Variants in CNTNAP2 observed in about 807,000 individuals in gnomAD.
The protein encoded by CNTNAP2 is contactin-associated protein-like 2.
Under a neutral mutation model 155.2 loss-of-function variants are expected in CNTNAP2, and 98 were observed. The ratio of observed to expected loss-of-function variants is 0.63; its 90% CI spans 0.54 to 0.75. The LOEUF is 0.75. Ranked by LOEUF, CNTNAP2 falls within the 30% of genes least tolerant of loss-of-function variation. CNTNAP2 has a pLI of 0.00. For missense variants in CNTNAP2, 1,727 were observed against 1,688.1 expected, an observed-to-expected ratio of 1.02 and a Z score of -0.40; for synonymous variants, 651 against 631.2, an observed-to-expected ratio of 1.03 and a Z score of -0.47.
At chr7:146,811,204 T>A (rs1426959246) in intron 2 of CNTNAP2, among the ~76,000 whole-genome samples, 1 of 152,188 alleles carries the variant, frequency 6.6e-6, no homozygotes, top group Non-Finnish European at 1.5e-5. Flanking sequence ...TTGAGAAGAA[T>A]TGGTGTTAAT....
At chr7:146,224,038 A>G (rs953377735) in intron 1 of CNTNAP2, among the ~76,000 whole-genome samples, 2 of 152,234 alleles carry the variant, frequency 1.3e-5, no homozygotes, top group Non-Finnish European at 1.5e-5. Context: ...TGTTAAAAAT[A>G]TAGTTTGGGG....
At chr7:147,220,024 C>T (rs898940256) in intron 8 of CNTNAP2, among the ~76,000 whole-genome samples, 2 of 149,458 alleles carry the variant, frequency 1.3e-5, no homozygotes, top group Admixed American at 1.3e-4. Context: ...CTCCTGAGCT[C>T]GTGATCTGCC....
intron 21 of CNTNAP2, among the ~76,000 whole-genome samples, chr7:148,338,365 G>C (rs924893822): frequency 6.6e-6 from 1 of 152,190 alleles, no homozygotes; most frequent in African/African-American, 2.4e-5. Flanking sequence ...TCCAGATGAA[G>C]CAGGCTCTTC....
chr7:146,784,888 A>T (rs570536398), intron 2 of CNTNAP2, among the ~76,000 whole-genome samples: 45 of 152,096 alleles, frequency 3.0e-4, no homozygotes, highest in African/African-American at 9.9e-4. Flanking sequence ...ATATTTACAC[A>T]CTGAATTTTT....
intron 18 of CNTNAP2, among the ~76,000 whole-genome samples, chr7:148,215,635 T>A (rs1190652853): frequency 6.6e-6 from 1 of 152,160 alleles, no homozygotes; most frequent in East Asian, 1.9e-4. Flanking sequence ...GTAACCTGTC[T>A]TTGTAATAAT....
chr7:147,707,125 C>T (rs1796327883), intron 13 of CNTNAP2, among the ~76,000 whole-genome samples: 1 of 151,940 alleles, frequency 6.6e-6, no homozygotes, highest in African/African-American at 2.4e-5. Context: ...ATTTCATAAA[C>T]TTACTTTTGA....
intron 13 of CNTNAP2, among the ~76,000 whole-genome samples, chr7:147,716,956 T>C (rs932982247): frequency 2.6e-5 from 4 of 152,118 alleles, no homozygotes; most frequent in Admixed American, 1.3e-4. Flanking sequence ...CATTGATACC[T>C]TTCCCTTCTC....
At chr7:146,777,135 T>C (rs1343678121) in intron 2 of CNTNAP2, among the ~76,000 whole-genome samples, 1 of 152,174 alleles carries the variant, frequency 6.6e-6, no homozygotes, top group African/African-American at 2.4e-5. Context: ...ATTGATATAC[T>C]GGATTGTCAT....
At chr7:147,795,161 A>T (rs750561543) in intron 13 of CNTNAP2, among the ~76,000 whole-genome samples, 3 of 151,372 alleles carry the variant, frequency 2.0e-5, no homozygotes, top group Non-Finnish European at 4.4e-5. Context: ...TTTTTTAATG[A>T]CTTCAGATGC....
chr7:146,277,225 C>G (rs1023569378), intron 1 of CNTNAP2, among the ~76,000 whole-genome samples: 3 of 152,020 alleles, frequency 2.0e-5, no homozygotes, highest in Non-Finnish European at 4.4e-5. Context: ...GTGGTCCTGC[C>G]GACACCTTGA....
chr7:147,245,643 C>T (rs982711689), intron 8 of CNTNAP2, among the ~76,000 whole-genome samples: 2 of 151,294 alleles, frequency 1.3e-5, no homozygotes, highest in African/African-American at 2.4e-5. Context: ...ACCAGCCTGG[C>T]CAACCTGGTT....
chr7:146,490,933 A>G (rs182964922), intron 1 of CNTNAP2, among the ~76,000 whole-genome samples: 105 of 152,298 alleles, frequency 6.9e-4, no homozygotes, highest in African/African-American at 2.4e-3. Flanking sequence ...CTAAAATCTA[A>G]GCCAATTATG....
intron 13 of CNTNAP2, among the ~76,000 whole-genome samples, chr7:147,775,386 T>TA (rs1797567254): frequency 1.0e-5 from 1 of 96,914 alleles, no homozygotes; most frequent in African/African-American, 4.6e-5. Context: ...TTTATATATA[T>TA]TTATAAATAT....
chr7:148,059,125 A>T (rs28623300), intron 15 of CNTNAP2, among the ~76,000 whole-genome samples: 9 of 152,090 alleles, frequency 5.9e-5, no homozygotes, highest in Non-Finnish European at 1.3e-4. Context: ...TACCAAAAAA[A>T]TAAAAAATAA....
intron 3 of CNTNAP2, among the ~76,000 whole-genome samples, chr7:147,028,522 G>C (rs973107473): frequency 6.6e-6 from 1 of 152,166 alleles, no homozygotes; most frequent in Non-Finnish European, 1.5e-5. Flanking sequence ...ATAGCTAATG[G>C]AACAAGGGAG....
At chr7:146,514,419 C>T (rs1373187713) in intron 1 of CNTNAP2, among the ~76,000 whole-genome samples, 2 of 152,020 alleles carry the variant, frequency 1.3e-5, no homozygotes, top group Admixed American at 1.3e-4. Context: ...TTGTTTCTTT[C>T]CATTATTTTT....
At chr7:147,575,279 CAT>C (rs1211812098) in intron 12 of CNTNAP2, among the ~76,000 whole-genome samples, 6 of 113,718 alleles carry the variant, frequency 5.3e-5, no homozygotes, top group Non-Finnish European at 1.1e-4. Flanking sequence ...TAGGAGTACG[CAT>C]ATGTGTGTGT....
At chr7:147,782,149 A>G (rs1797671003) in intron 13 of CNTNAP2, among the ~76,000 whole-genome samples, 1 of 152,214 alleles carries the variant, frequency 6.6e-6, no homozygotes, top group Non-Finnish European at 1.5e-5. Flanking sequence ...ATAGACATCT[A>G]TCTCACCATT....
intron 9 of CNTNAP2, among the ~76,000 whole-genome samples, chr7:147,387,861 T>A (rs1366519200): frequency 6.6e-6 from 1 of 152,246 alleles, no homozygotes; most frequent in South Asian, 2.1e-4. Flanking sequence ...TTTGAGGCTA[T>A]GTTCTGCTTC....
Sources: gnomAD v4.1 joint callset for allele counts (sites outside exome capture counted in the v4.1 genomes callset) on GRCh38, gnomAD v4.1.1 for gene constraint, MANE v1.5 for transcripts, NCBI Gene and HGNC (gene_info 2026-07-23, HGNC 2026-07-21) for gene names.